The following PUDP variants were observed in gnomAD, a reference collection of about 807,000 sequenced individuals.
PUDP encodes the protein pseudouridine-5'-phosphatase.
PUDP carries 8 observed loss-of-function variants against 9.4 expected under a neutral mutation model. That is an observed-to-expected ratio of 0.85 (90% CI 0.50 to 1.53). PUDP has a LOEUF of 1.53. Among genes scored for constraint, PUDP ranks in the 40% most tolerant of loss-of-function variants. The pLI is 0.00. For synonymous variants in PUDP, 99 were observed against 80.7 expected (o/e 1.23, Z -1.22); for missense variants, 188 against 189.7 (o/e 0.99, Z 0.05).
rs1026873089 is a variant in PUDP, at chrX:7,137,309, G to A, written c.61+10744C>T. 1.0e-4 allele frequency among the ~76,000 whole-genome samples: 11 copies of A among 106,825 alleles called. No homozygotes were observed. In the East Asian group the frequency reaches 1.2e-3, roughly 12 times the overall value. The allele number at this position is 106,825 out of a possible 115,157, so 92.8% of individuals were successfully genotyped here. A position where few individuals can be genotyped will look rare whatever the true frequency, so the allele number is the denominator to read the frequency against. On this transcript the variant is annotated intron_variant, in intron 1 of 3. Transcript: ENST00000381077. ...TGTAATCCCAGCACTTTGGGAGGCC[G>A]AGGCAGATGGATCATGAGGTCAGGA...
intron 3 of PUDP, among the ~76,000 whole-genome samples, chrX:6,962,858 C>T (rs750208340): frequency 2.7e-5 from 3 of 112,565 alleles, no homozygotes; most frequent in African/African-American, 3.2e-5. Flanking sequence ...GTTGGTATAA[C>T]AAATTAACAC....
chrX:6,857,509 T>C (rs1483306736), intron 3 of PUDP, among the ~76,000 whole-genome samples: 2 of 112,540 alleles, frequency 1.8e-5, no homozygotes, highest in Non-Finnish European at 3.8e-5. Flanking sequence ...TCAGAACTCA[T>C]TGCAGCCTCA....
chrX:7,127,987 A>G (rs1932525327), intron 1 of PUDP, among the ~76,000 whole-genome samples: 1 of 112,091 alleles, frequency 8.9e-6, no homozygotes, highest in African/African-American at 3.2e-5. Flanking sequence ...AAAAAATTGT[A>G]AAGGTTGAGA....
intron 1 of PUDP, among the ~76,000 whole-genome samples, chrX:7,021,179 A>G (rs1602716971): frequency 8.9e-6 from 1 of 112,154 alleles, no homozygotes; most frequent in Admixed American, 9.5e-5. Flanking sequence ...CTGCTCAAAC[A>G]CGTGTCCTTT....
chrX:6,825,411 C>T (rs183661624), intron 3 of PUDP, among the ~76,000 whole-genome samples: 1 of 111,613 alleles, frequency 9.0e-6, no homozygotes, highest in East Asian at 2.8e-4. Context: ...ACTGAGCTCT[C>T]TGCTCCGGGC....
chrX:7,038,356 G>A (rs745598313), intron 1 of PUDP, among the ~76,000 whole-genome samples: 36 of 112,338 alleles, frequency 3.2e-4, no homozygotes, highest in Non-Finnish European at 5.1e-4. Context: ...ATGTGACGTA[G>A]GCTGGCAATA....
rs1184841875 is a variant in PUDP, at chrX:6,800,714, C to T, written c.*248-94248G>A. On this transcript the variant is annotated intron_variant and NMD_transcript_variant, in intron 3 of 3. Transcript: ENST00000655425. Reference sequence around the variant, plus strand: ...TTAGGCCTCCCAGCACGAGTGATGGCGAACATCTCCTCTCACTGTCACTGA... The same window carrying T: ...TTAGGCCTCCCAGCACGAGTGATGGTGAACATCTCCTCTCACTGTCACTGA... Among the ~76,000 whole-genome samples the T allele has an allele frequency of 4.5e-5, 5 of 111,490 alleles. No homozygotes were observed. In the East Asian group the frequency reaches 8.4e-4, roughly 19 times the overall value.
chrX:7,018,217 T>G (rs1169218289), intron 1 of PUDP, among the ~76,000 whole-genome samples: 1 of 111,848 alleles, frequency 8.9e-6, no homozygotes, highest in South Asian at 3.8e-4. Flanking sequence ...TTAATAAACT[T>G]GCTTTCACTT....
rs1243923723 is a variant in PUDP, at chrX:7,027,848, A to ACTATATATATAGAATATACTATTTT, written c.204+49371_204+49372insAAAATAGTATATTCTATATATATAG. On this transcript the variant is annotated intron_variant and NMD_transcript_variant, in intron 1 of 3. Coordinates refer to the PUDP transcript ENST00000655425. ...AGAATATACTATATTCTATATATAGACTATATATAGACTATATATATAGAA... is the reference window on the plus strand; with the variant it reads ...AGAATATACTATATTCTATATATAGACTATATATATAGAATATACTATTTTCTATATATAGACTATATATATAGAA... Among the ~76,000 whole-genome samples, 84 of 89,607 alleles carry ACTATATATATAGAATATACTATTTT rather than the reference A, an allele frequency of 9.4e-4. 12 individuals carry two copies. The highest frequency in any genetic ancestry group is 3.5e-3 in the African/African-American group (79 of 22,838). 77.8% of individuals were successfully genotyped at this position (89,607 alleles called of 115,157 possible).
chrX:6,969,189 T>C (rs1222552091), intron 3 of PUDP, among the ~76,000 whole-genome samples: 2 of 112,452 alleles, frequency 1.8e-5, no homozygotes, highest in Non-Finnish European at 3.8e-5. Context: ...AAGGCTGAGA[T>C]GTCCTATGAC....
intron 3 of PUDP, among the ~76,000 whole-genome samples, chrX:6,755,044 C>T (rs1353555112): frequency 9.0e-6 from 1 of 111,319 alleles, no homozygotes; most frequent in Admixed American, 9.6e-5. Context: ...GTCTTGTGTC[C>T]CTAAGCACAA....
At chrX:6,837,148 G>A in intron 3 of PUDP, among the ~76,000 whole-genome samples, 1 of 112,554 alleles carries the variant, frequency 8.9e-6, no homozygotes, top group East Asian at 2.8e-4. Flanking sequence ...AGTAGTCTAT[G>A]AAACACAGAA....
chrX:6,900,337 G>A (rs1286960134), intron 3 of PUDP, among the ~76,000 whole-genome samples: 2 of 102,183 alleles, frequency 2.0e-5, no homozygotes, highest in African/African-American at 7.1e-5. Flanking sequence ...GGGGGGGGGG[G>A]CGCTGCTACT....
intron 3 of PUDP, among the ~76,000 whole-genome samples, chrX:6,970,910 G>C (rs1602695931): frequency 9.1e-6 from 1 of 110,393 alleles, no homozygotes; most frequent in Admixed American, 9.7e-5. Context: ...AATTCACTGG[G>C]CGTGGTAGCA....
At position 7,088,962 on chromosome X, in the gene PUDP, A is replaced by C. The variant is rs143726012; in HGVS notation, c.281-11513T>G. Among the ~76,000 whole-genome samples, 881 of 112,062 alleles carry C rather than the reference A, an allele frequency of 7.9e-3. 7 individuals carry two copies. The highest frequency in any genetic ancestry group is 9.9e-3 in the Non-Finnish European group (525 of 53,242). ...CCTTTTAGAAAACGGCTATACTAGGAATGAACAGCATAATATCAACAAAAA... is the reference window on the plus strand; with the variant it reads ...CCTTTTAGAAAACGGCTATACTAGGCATGAACAGCATAATATCAACAAAAA... On this transcript the variant is annotated intron_variant, in intron 2 of 3. Coordinates refer to ENST00000381077, the MANE Select transcript of PUDP (RefSeq NM_012080.5).
intron 3 of PUDP, among the ~76,000 whole-genome samples, chrX:6,751,147 A>T (rs961570450): frequency 9.1e-6 from 1 of 110,319 alleles, no homozygotes; most frequent in Non-Finnish European, 1.9e-5. Flanking sequence ...GTCTAAAAAA[A>T]AGGAAAGAAA....
intron 3 of PUDP, among the ~76,000 whole-genome samples, chrX:7,076,195 C>T (rs1260656153): frequency 5.4e-5 from 6 of 112,078 alleles, no homozygotes; most frequent in Admixed American, 4.7e-4. Flanking sequence ...CCGGTAGCTC[C>T]GCTTTATTGG....
At chrX:6,854,826 G>A (rs1926881603) in intron 3 of PUDP, among the ~76,000 whole-genome samples, 2 of 108,747 alleles carry the variant, frequency 1.8e-5, no homozygotes, top group Non-Finnish European at 3.8e-5. Context: ...CTGTCAGAGG[G>A]GTGCAGAGGT....
upstream of PUDP, among the ~76,000 whole-genome samples, chrX:6,722,651 C>G (rs1232832655): frequency 9.0e-6 from 1 of 111,118 alleles, no homozygotes; most frequent in East Asian, 2.8e-4. Context: ...AAAAGATAAG[C>G]CATAGACGAA....
Sources: gnomAD v4.1 joint callset for allele counts (sites outside exome capture counted in the v4.1 genomes callset) on GRCh38, gnomAD v4.1.1 for gene constraint, MANE v1.5 for transcripts, NCBI Gene and HGNC (gene_info 2026-07-23, HGNC 2026-07-21) for gene names.